The following CNBD2 variants were observed in gnomAD, a reference collection of about 807,000 sequenced individuals.
The protein encoded by CNBD2 is cyclic nucleotide binding domain containing 2, also known as cyclic nucleotide-binding domain-containing protein 2.
A neutral mutation model predicts 63.7 loss-of-function variants in CNBD2; 64 were observed. That is an observed-to-expected ratio of 1.00 (90% CI 0.82 to 1.24). The LOEUF is 1.24. Ranked by LOEUF, CNBD2 falls within the 50% of genes most tolerant of loss-of-function variation. CNBD2 has a pLI of 0.00. For synonymous variants in CNBD2, 229 were observed against 255.4 expected (o/e 0.90, Z 0.99); for missense variants, 691 against 713.5 (o/e 0.97, Z 0.36).
chr20:35,990,952 A>AT (rs1341182830), intron 7 of CNBD2, among the ~76,000 whole-genome samples: 2 of 152,222 alleles, frequency 1.3e-5, no homozygotes, highest in African/African-American at 4.8e-5. Flanking sequence ...AAAAAAATTA[A>AT]TTTAAAAAAA....
chr20:35,965,281 G>A (rs140025090), upstream of CNBD2, among the ~76,000 whole-genome samples: 6 of 149,272 alleles, frequency 4.0e-5, no homozygotes, highest in East Asian at 1.2e-3. Context: ...AGGCTCAGAT[G>A]ATGCTCCCGC....
intron 10 of CNBD2, among the ~76,000 whole-genome samples, chr20:36,019,479 T>A (rs2057178084): frequency 7.5e-6 from 1 of 133,650 alleles, no homozygotes; most frequent in South Asian, 2.3e-4. Flanking sequence ...GCTGAAATCA[T>A]GCAACTGCAC....
chr20:35,984,881 C>G (rs2056647761), intron 6 of CNBD2, 103 bp downstream of exon 6: 1 of 1,238,986 alleles, frequency 8.1e-7, no homozygotes, highest in African/African-American at 1.5e-5. Flanking sequence ...TTGCTGTTCT[C>G]TCTGTCTGGG....
At position 35,991,657 on chromosome 20, in the gene CNBD2, G is replaced by T. The variant is rs116891009; in HGVS notation, c.856-3381G>T. ...CAATATTTTCTTTAATCAGCATAAT[G>T]ATTACATTCTGACTGGCAGAAAGCG... is the stretch of plus-strand genomic sequence containing the variant. On this transcript the variant is annotated intron_variant, in intron 7 of 11. Transcript: ENST00000373973. Among the ~76,000 whole-genome samples the T allele has an allele frequency of 3.9e-5, 6 of 152,244 alleles. No individual in the cohort carries two copies. The East Asian group carries it at 1.2e-3, about 29-fold the overall frequency.
In CNBD2 at chr20:36,008,341, T is replaced by C. The variant is rs1422853049; in HGVS notation, c.1015T>C (p.Tyr339His). 6 of 1,613,826 alleles carry C rather than the reference T, an allele frequency of 3.7e-6. No individual in the cohort carries two copies. In the Admixed American group the frequency reaches 5.0e-5, roughly 13 times the overall value. Residue 339 changes from tyrosine (Y) to histidine (H), a missense_variant, in exon 9 of 12, where the codon TAT becomes CAT. Tyr to His is a moderately conservative substitution (Grantham distance 83). Coordinates refer to ENST00000373973, the MANE Select transcript of CNBD2 (RefSeq NM_001365709.1). ...ERFKEFQIKS[Y>H]PLQDFSSLKL... ...ATTTAAGGAATTCCAGATCAAATCATATCCTCTGCAAGACTTTAGCTCCTT... is the reference window on the plus strand; with the variant it reads ...ATTTAAGGAATTCCAGATCAAATCACATCCTCTGCAAGACTTTAGCTCCTT...
Position 35,972,668 on chromosome 20 carries a change from C to G in CNBD2, c.91C>G (p.Arg31Gly). ...QLAMDIIIMI[R>G]VCKMFRQGLR... ...CGCCATGGATATCATCATAATGATCCGAGTGTGTAAAATGTTCCGCCAAGG... is the reference window on the plus strand; with the variant it reads ...CGCCATGGATATCATCATAATGATCGGAGTGTGTAAAATGTTCCGCCAAGG... The change falls in exon 2 of 12, where the codon CGA becomes GGA. Residue 31 changes from arginine (R) to glycine (G), a missense_variant. Transcript: ENST00000373973. 6.2e-7 allele frequency: 1 copy of G among 1,613,824 alleles called. No individual in the cohort carries two copies.
At chr20:35,983,438 G>A (rs970961698) in intron 4 of CNBD2, among the ~76,000 whole-genome samples, 3 of 152,118 alleles carry the variant, frequency 2.0e-5, no homozygotes, top group African/African-American at 7.2e-5. Flanking sequence ...TCTACCCCAA[G>A]GGTGCCCAGT....
At chr20:35,989,866 G>GGAGAGAGAGA (rs35862163) in intron 7 of CNBD2, among the ~76,000 whole-genome samples, 7 of 121,724 alleles carry the variant, frequency 5.8e-5, no homozygotes, top group African/African-American at 9.9e-5. Flanking sequence ...GATGAGAGAG[G>GGAGAGAGAGA]GAGAGAGAGA....
At position 35,975,065 on chromosome 20, in the gene CNBD2, G is replaced by A. The variant is rs1325180850; in HGVS notation, c.190-884G>A. 26 of 143,370 alleles carry A rather than the reference G, an allele frequency of 1.8e-4. 1 individual carries two copies. The highest frequency in any genetic ancestry group is 7.0e-5 in the Admixed American group (1 of 14,334). The allele number at this position is 143,370 out of a possible 1,614,324, so 8.9% of individuals were successfully genotyped here. ...CGCCCAGGCTGGAGTGCAGTGGCGCGATCTCGGCTCACTGCAAGCTCCGCC... is the reference window on the plus strand; with the variant it reads ...CGCCCAGGCTGGAGTGCAGTGGCGCAATCTCGGCTCACTGCAAGCTCCGCC... On this transcript the variant is annotated intron_variant, in intron 2 of 11. Coordinates refer to ENST00000373973, the MANE Select transcript of CNBD2 (RefSeq NM_001365709.1).
chr20:35,993,505 A>G (rs1019386981), intron 7 of CNBD2, among the ~76,000 whole-genome samples: 1 of 152,228 alleles, frequency 6.6e-6, no homozygotes, highest in Non-Finnish European at 1.5e-5. Flanking sequence ...TAAACATGAT[A>G]CTATAGAACC....
At chr20:36,018,019 A>C (rs1452468697) in intron 10 of CNBD2, among the ~76,000 whole-genome samples, 1 of 152,268 alleles carries the variant, frequency 6.6e-6, no homozygotes, top group East Asian at 1.9e-4. Flanking sequence ...AAAATTGAGA[A>C]GATAGTACAG....
intron 9 of CNBD2, among the ~76,000 whole-genome samples, chr20:36,009,553 T>C (rs192094086): frequency 3.9e-4 from 59 of 150,328 alleles, no homozygotes; most frequent in Non-Finnish European, 8.1e-4. Context: ...GGAAACAGGC[T>C]GGGCATGGTG....
At chr20:36,028,301 C>T (rs968878605) in intron 11 of CNBD2, among the ~76,000 whole-genome samples, 6 of 152,034 alleles carry the variant, frequency 3.9e-5, no homozygotes, top group African/African-American at 9.7e-5. Flanking sequence ...TCAGCATTTG[C>T]GGCCCTCATC....
At chr20:35,969,339 T>A (rs2056380141) in intron 1 of CNBD2, among the ~76,000 whole-genome samples, 1 of 152,214 alleles carries the variant, frequency 6.6e-6, no homozygotes, top group Non-Finnish European at 1.5e-5. Context: ...TTGTACTCAG[T>A]AAGTATTAAT....
At chr20:35,974,983 T>A (rs1377615839) in intron 2 of CNBD2, 2 of 151,006 alleles carry the variant, frequency 1.3e-5, no homozygotes, top group Non-Finnish European at 2.9e-5. Flanking sequence ...TCCTTTCTTT[T>A]TTTTATTTTT....
chr20:35,959,583 G>A (rs2147167584), downstream of CNBD2: 1 of 152,238 alleles, frequency 6.6e-6, no homozygotes, highest in African/African-American at 2.4e-5. Context: ...ACAGTATGGG[G>A]GAACTACCCC....
chr20:35,976,197 C>T (rs571639969), intron 3 of CNBD2, among the ~76,000 whole-genome samples, 195 bp downstream of exon 3: 1 of 152,292 alleles, frequency 6.6e-6, no homozygotes, highest in East Asian at 1.9e-4. Flanking sequence ...AGCCCTGGAG[C>T]TCCAAGACTG....
At chr20:35,954,509 G>A (rs1365993210), upstream of CNBD2, 1 of 1,533,718 alleles carries the variant, frequency 6.5e-7, no homozygotes. Flanking sequence ...CTGCGTCCAG[G>A]TCGGCGCGCG....
intron 5 of CNBD2, among the ~76,000 whole-genome samples, chr20:35,984,341 T>C (rs1343368688): frequency 1.3e-5 from 2 of 152,246 alleles, no homozygotes; most frequent in African/African-American, 4.8e-5. Flanking sequence ...AGTATGTTCC[T>C]GATACAGCCC....
Sources: gnomAD v4.1 joint callset for allele counts (sites outside exome capture counted in the v4.1 genomes callset) on GRCh38, gnomAD v4.1.1 for gene constraint, MANE v1.5 for transcripts, NCBI Gene and HGNC (gene_info 2026-07-23, HGNC 2026-07-21) for gene names.